The following ME3 variants were observed in gnomAD, a reference collection of about 807,000 sequenced individuals.
The protein encoded by ME3 is malic enzyme 3.
Under a neutral mutation model 68.9 loss-of-function variants are expected in ME3, and 48 were observed. That is an observed-to-expected ratio of 0.70 (90% CI 0.55 to 0.89). ME3 has a LOEUF of 0.89. Ranked by LOEUF, ME3 falls within the 40% of genes least tolerant of loss-of-function variation. ME3 has a pLI of 0.00. For synonymous variants in ME3, 320 were observed against 318.8 expected, an observed-to-expected ratio of 1.00 and a Z score of -0.04; for missense variants, 675 against 797.4, an observed-to-expected ratio of 0.85 and a Z score of 1.85.
chr11:86,665,513 A>T (rs1221248698), intron 2 of ME3, among the ~76,000 whole-genome samples: 2 of 152,208 alleles, frequency 1.3e-5, no homozygotes, highest in African/African-American at 4.8e-5. Flanking sequence ...TGAGTGAGGC[A>T]GAGAAGAGTA....
intron 2 of ME3, among the ~76,000 whole-genome samples, chr11:86,608,819 A>G (rs1942344655): frequency 6.6e-6 from 1 of 152,260 alleles, no homozygotes; most frequent in South Asian, 2.1e-4. Context: ...TAACTGGTAT[A>G]TAAGATAATT....
intron 8 of ME3, chr11:86,462,651 A>G (rs750644844): frequency 5.5e-5 from 68 of 1,243,308 alleles, no homozygotes; most frequent in African/African-American, 3.7e-4. Context: ...TTAGGCATCT[A>G]TCATGTAGCA....
At chr11:86,627,475 C>A (rs889787776) in intron 2 of ME3, among the ~76,000 whole-genome samples, 4 of 152,136 alleles carry the variant, frequency 2.6e-5, no homozygotes, top group African/African-American at 9.7e-5. Context: ...AGTCTTTCTA[C>A]CCATATGCAT....
intron 2 of ME3, among the ~76,000 whole-genome samples, chr11:86,631,184 A>C (rs1211532913): frequency 6.6e-6 from 1 of 152,254 alleles, no homozygotes; most frequent in Non-Finnish European, 1.5e-5. Context: ...AATAGTGGTC[A>C]TGGAGCTTGG....
At chr11:86,464,872 G>C (rs1255103319) in intron 8 of ME3, among the ~76,000 whole-genome samples, 1 of 152,232 alleles carries the variant, frequency 6.6e-6, no homozygotes, top group Non-Finnish European at 1.5e-5. Flanking sequence ...TACCTCTGAA[G>C]TAGTAATGAT....
chr11:86,591,444 G>A (rs1470525565), intron 2 of ME3, among the ~76,000 whole-genome samples: 1 of 152,208 alleles, frequency 6.6e-6, no homozygotes, highest in Non-Finnish European at 1.5e-5. Context: ...GTCATAGCAA[G>A]AGGAGATTAG....
At chr11:86,566,189 A>G (rs1293890110) in intron 2 of ME3, among the ~76,000 whole-genome samples, 1 of 152,184 alleles carries the variant, frequency 6.6e-6, no homozygotes, top group Non-Finnish European at 1.5e-5. Flanking sequence ...CCCCATGGGG[A>G]CTGTGCTGGC....
At chr11:86,505,700 T>A (rs1048153438) in intron 5 of ME3, among the ~76,000 whole-genome samples, 1 of 152,116 alleles carries the variant, frequency 6.6e-6, no homozygotes, top group Non-Finnish European at 1.5e-5. Context: ...ATCCTCACAA[T>A]AGGAAAGCAA....
intron 4 of ME3, among the ~76,000 whole-genome samples, chr11:86,554,997 A>G (rs1594424225): frequency 6.6e-6 from 1 of 152,116 alleles, no homozygotes; most frequent in African/African-American, 2.4e-5. Flanking sequence ...GCCTGAGGGG[A>G]TGGGGGAGGG....
chr11:86,452,292 C>T (rs1361855535), intron 8 of ME3, among the ~76,000 whole-genome samples: 1 of 152,118 alleles, frequency 6.6e-6, no homozygotes. Context: ...CTCTTCATGC[C>T]ACTAAATCAG....
chr11:86,661,651 T>C (rs1946284731), intron 2 of ME3, among the ~76,000 whole-genome samples: 1 of 152,182 alleles, frequency 6.6e-6, no homozygotes, highest in African/African-American at 2.4e-5. Context: ...CCTCTGACAC[T>C]TCCACAGGTG....
intron 6 of ME3, among the ~76,000 whole-genome samples, chr11:86,494,704 C>T (rs781203135): frequency 4.1e-5 from 6 of 148,092 alleles, no homozygotes; most frequent in African/African-American, 1.3e-4. Flanking sequence ...ATGTGACACG[C>T]GACTCATTAA....
At chr11:86,629,324 C>T (rs1039180916) in intron 2 of ME3, among the ~76,000 whole-genome samples, 13 of 152,122 alleles carry the variant, frequency 8.5e-5, no homozygotes, top group African/African-American at 3.1e-4. Flanking sequence ...GAGAAAGATG[C>T]AGGGCTCGTA....
rs1268111644 is a variant in ME3 at position 86,569,813 on chromosome 11, C to G, written c.184-9990G>C. Among the ~76,000 whole-genome samples, 10 of 152,306 alleles carry G rather than the reference C, an allele frequency of 6.6e-5. No individual in the cohort carries two copies. In the South Asian group the frequency reaches 1.9e-3, roughly 28 times the overall value. On this transcript the variant is annotated intron_variant, in intron 2 of 14. Transcript: ENST00000543262. ...GGTAAGTAACTTGCCCAAGGTCACA[C>G]AGCAAGCTGGTGGGAAAACCAGGAG...
At chr11:86,599,561 G>C (rs1354277625) in intron 2 of ME3, among the ~76,000 whole-genome samples, 1 of 152,154 alleles carries the variant, frequency 6.6e-6, no homozygotes, top group East Asian at 1.9e-4. Context: ...CCCCAATCTA[G>C]CAAGGCAGGC....
chr11:86,567,527 GC>G (rs902772937), intron 2 of ME3, among the ~76,000 whole-genome samples: 1 of 152,186 alleles, frequency 6.6e-6, no homozygotes, highest in African/African-American at 2.4e-5. Context: ...CCTTAGGGAG[GC>G]CCAGGTATCT....
rs551263395 is a variant in ME3, at chr11:86,488,299, G to A, written c.706-859C>T. On this transcript the variant is annotated intron_variant, in intron 6 of 14. Transcript: ENST00000543262. ...TCAGGCAGAATTTCATTGAAGTATT[G>A]GGTCGCATCCAGAGTCCCTGGTCTG... 7.9e-5 allele frequency among the ~76,000 whole-genome samples: 12 copies of A among 152,272 alleles called. No individual in the cohort carries two copies. The South Asian group carries it at 2.3e-3, about 29-fold the overall frequency.
chr11:86,515,339 T>A (rs1487682163), intron 4 of ME3, among the ~76,000 whole-genome samples: 2 of 152,160 alleles, frequency 1.3e-5, no homozygotes, highest in Non-Finnish European at 2.9e-5. Flanking sequence ...TGCAACACTA[T>A]CCAGAGGGCA....
chr11:86,618,589 A>G (rs1943138409), intron 2 of ME3, among the ~76,000 whole-genome samples: 1 of 152,080 alleles, frequency 6.6e-6, no homozygotes, highest in Non-Finnish European at 1.5e-5. Flanking sequence ...CCCTGCCCAA[A>G]TCTCATGTTG....
Sources: gnomAD v4.1 joint callset for allele counts (sites outside exome capture counted in the v4.1 genomes callset) on GRCh38, gnomAD v4.1.1 for gene constraint, MANE v1.5 for transcripts, NCBI Gene and HGNC (gene_info 2026-07-23, HGNC 2026-07-21) for gene names.